Variants in PLCG2 observed in about 807,000 individuals in gnomAD.
The protein encoded by PLCG2 is 1-phosphatidylinositol 4,5-bisphosphate phosphodiesterase gamma-2.
A neutral mutation model predicts 175.6 loss-of-function variants in PLCG2; 69 were observed. That is an observed-to-expected ratio of 0.39 (90% CI 0.32 to 0.48). The LOEUF is 0.48. Ranked by LOEUF, PLCG2 falls within the 20% of genes least tolerant of loss-of-function variation. The pLI, the probability that PLCG2 is intolerant of heterozygous loss-of-function variation, is 0.91. For missense variants in PLCG2, 1,798 were observed against 1,650.9 expected, an observed-to-expected ratio of 1.09 and a Z score of -1.54; for synonymous variants, 827 against 624.0, an observed-to-expected ratio of 1.33 and a Z score of -4.85.
chr16:81,849,130 C>G (rs1397967502), intron 2 of PLCG2, among the ~76,000 whole-genome samples: 3 of 152,132 alleles, frequency 2.0e-5, no homozygotes, highest in Non-Finnish European at 4.4e-5. Context: ...GGCTGTGGTT[C>G]TTAGTCCTTA....
At chr16:81,854,328 C>T (rs545456597) in intron 2 of PLCG2, 116 bp from the exon 3 acceptor site, 31 of 897,326 alleles carry the variant, frequency 3.5e-5, no homozygotes, top group African/African-American at 1.8e-4. Context: ...GATAGCTTTG[C>T]GGGATCCTGT....
chr16:81,942,033 GA>G (rs1401272643), intron 30 of PLCG2, among the ~76,000 whole-genome samples: 1 of 152,160 alleles, frequency 6.6e-6, no homozygotes, highest in Non-Finnish European at 1.5e-5. Context: ...TCTGGTGCAG[GA>G]AGTGTAGCTT....
intron 2 of PLCG2, among the ~76,000 whole-genome samples, chr16:81,847,753 A>G (rs923208774): frequency 7.2e-5 from 11 of 152,230 alleles, no homozygotes; most frequent in Non-Finnish European, 1.3e-4. Context: ...AATTATTTAC[A>G]TAACATTTAC....
At chr16:81,776,791 G>T (rs1226113844), upstream of PLCG2, among the ~76,000 whole-genome samples, 1 of 152,212 alleles carries the variant, frequency 6.6e-6, no homozygotes, top group Non-Finnish European at 1.5e-5. Flanking sequence ...CTGATCTCAG[G>T]TAAGCCGCCT....
At chr16:81,763,008 G>T (rs1910072516) in intron 2 of PLCG2, among the ~76,000 whole-genome samples, 1 of 152,202 alleles carries the variant, frequency 6.6e-6, no homozygotes. Flanking sequence ...AGTGAGATAT[G>T]ATCATGCCAC....
chr16:81,949,881 G>T (rs1038642017), intron 31 of PLCG2, among the ~76,000 whole-genome samples: 1 of 152,192 alleles, frequency 6.6e-6, no homozygotes, highest in Non-Finnish European at 1.5e-5. Flanking sequence ...CAACTTTGAC[G>T]ACTAGGGAAT....
At chr16:81,905,012 T>C (rs916116988) in intron 14 of PLCG2, among the ~76,000 whole-genome samples, 15 of 152,152 alleles carry the variant, frequency 9.9e-5, no homozygotes, top group African/African-American at 3.4e-4. Flanking sequence ...CTCAGCCTCC[T>C]GAGTAGCTGG....
chr16:81,931,491 C>T lies in PLCG2; in HGVS notation c.2582-6C>T. ...ATTGGGACATTTCTTATTCTCTTAC[C>T]CCAAGTGAAAGCCCCTCAGGGAAAA... On this transcript the variant is annotated splice_polypyrimidine_tract_variant and splice_region_variant and intron_variant, in intron 24 of 32. Transcript: ENST00000564138. The T allele has an allele frequency of 2.5e-6, 4 of 1,613,488 alleles. No homozygotes were observed. Among genetic ancestry groups the T allele is most frequent in the African/African-American group, 1.3e-5 (1 of 74,982 alleles).
At chr16:81,889,052 C>G in intron 9 of PLCG2, 120 bp from the exon 10 acceptor site, 1 of 626,318 alleles carries the variant, frequency 1.6e-6, no homozygotes, top group Non-Finnish European at 2.9e-6. Flanking sequence ...TGGTCGATTG[C>G]AAGTGAATTC....
chr16:81,921,184 C>A lies in PLCG2; in HGVS notation c.2236-14C>A, dbSNP rs12446127. 6 of 1,496,904 alleles carry A rather than the reference C, an allele frequency of 4.0e-6. No homozygotes were observed. The highest frequency in any genetic ancestry group is 1.7e-4 in the Middle Eastern group (1 of 5,858). 92.7% of individuals were successfully genotyped at this position (1,496,904 alleles called of 1,614,324 possible). ...CATGGATTATTCCATTTCTTTCTTT[C>A]TTTTTTTTTCCAGGAAAGAGATATA... On this transcript the variant is annotated splice_polypyrimidine_tract_variant and intron_variant, in intron 20 of 32. Coordinates refer to ENST00000564138, the MANE Select transcript of PLCG2 (RefSeq NM_002661.5).
chr16:81,901,850 A>T (rs1200627509), intron 14 of PLCG2, among the ~76,000 whole-genome samples: 2 of 152,246 alleles, frequency 1.3e-5, no homozygotes, highest in African/African-American at 4.8e-5. Context: ...TATTGCAAAT[A>T]TTTATTTAAT....
In PLCG2 at chr16:81,950,491, A is replaced by T. The variant is rs561580274; in HGVS notation, c.3570+4228A>T. ...TCAGAATTTGGAAAGTCTTGTATAT[A>T]AGAAATCAGCAAAGACATAATATCA... is the stretch of plus-strand genomic sequence containing the variant. On this transcript the variant is annotated intron_variant, in intron 31 of 32. Transcript: ENST00000564138. Among the ~76,000 whole-genome samples, 11 of 152,352 alleles carry T rather than the reference A, an allele frequency of 7.2e-5. No homozygotes were observed. In the East Asian group the frequency reaches 1.9e-3, roughly 27 times the overall value.
In PLCG2 at chr16:81,789,604, A is replaced by G. The variant is rs568965030; in HGVS notation, c.193+3422A>G. Among the ~76,000 whole-genome samples the G allele has an allele frequency of 1.8e-3, 267 of 152,236 alleles. 1 individual carries two copies. The highest frequency in any genetic ancestry group is 3.1e-3 in the South Asian group (15 of 4,822). ...ATGCCCGGCCTCAATTCATTCTTTT[A>G]TTTATCTGTTCAGCCTCTTTATTTC... On this transcript the variant is annotated intron_variant, in intron 2 of 32. Coordinates refer to ENST00000564138, the MANE Select transcript of PLCG2 (RefSeq NM_002661.5).
chr16:81,838,948 A>G (rs1905677497), intron 2 of PLCG2, among the ~76,000 whole-genome samples: 1 of 152,064 alleles, frequency 6.6e-6, no homozygotes, highest in South Asian at 2.1e-4. Flanking sequence ...TGACCCCATC[A>G]GTGAGTCTTG....
intron 2 of PLCG2, among the ~76,000 whole-genome samples, chr16:81,834,223 G>A (rs543051436): frequency 6.6e-6 from 1 of 152,282 alleles, no homozygotes; most frequent in East Asian, 1.9e-4. Flanking sequence ...GAGATGTTGA[G>A]GTCAACTCTG....
chr16:81,888,061 A>G (rs1383010484), intron 9 of PLCG2, among the ~76,000 whole-genome samples: 14 of 152,160 alleles, frequency 9.2e-5, no homozygotes, highest in Admixed American at 5.9e-4. Context: ...AAGCTGTGTG[A>G]GCTTAGGATC....
chr16:81,837,334 T>C (rs895527931), intron 2 of PLCG2, among the ~76,000 whole-genome samples: 37 of 152,236 alleles, frequency 2.4e-4, no homozygotes, highest in African/African-American at 8.7e-4. Flanking sequence ...AGCTGGCTTC[T>C]ATAGCTGTGT....
intron 31 of PLCG2, among the ~76,000 whole-genome samples, chr16:81,948,718 T>C (rs564974526): frequency 6.6e-6 from 1 of 152,308 alleles, no homozygotes; most frequent in Non-Finnish European, 1.5e-5. Context: ...AGGCCCTCCT[T>C]ATGCCTCATC....
intron 7 of PLCG2, among the ~76,000 whole-genome samples, chr16:81,871,696 A>G (rs1907524369): frequency 6.6e-6 from 1 of 152,154 alleles, no homozygotes; most frequent in Non-Finnish European, 1.5e-5. Context: ...AAAATAATAG[A>G]CTATTTAAAA....
Sources: allele counts gnomAD v4.1 joint callset (sites outside exome capture counted in the v4.1 genomes callset), GRCh38; gene constraint gnomAD v4.1.1; transcripts MANE v1.5; gene names NCBI Gene and HGNC (gene_info 2026-07-23, HGNC 2026-07-21).